The following CHST9 variants were observed in gnomAD, a reference collection of about 807,000 sequenced individuals.
CHST9 encodes the protein carbohydrate sulfotransferase 9.
CHST9 carries 41 observed loss-of-function variants against 44.4 expected under a neutral mutation model. The observed-to-expected ratio is 0.92, with a 90% CI of 0.72 to 1.20. The LOEUF is 1.20. Ranked by LOEUF, CHST9 falls within the 50% of genes most tolerant of loss-of-function variation. CHST9 has a pLI of 0.00. For missense variants in CHST9, 504 were observed against 516.5 expected, an observed-to-expected ratio of 0.98 and a Z score of 0.23; for synonymous variants, 171 against 178.4, an observed-to-expected ratio of 0.96 and a Z score of 0.33.
rs1235166696 is a variant in CHST9 at position 26,923,968 on chromosome 18, G to A, written c.241-6618C>T. On this transcript the variant is annotated intron_variant, in intron 5 of 5. Coordinates refer to ENST00000618847, the MANE Select transcript of CHST9 (RefSeq NM_031422.6). Reference sequence around the variant, plus strand: ...CATCCTGACATCGAGTCTGCTTGGGGGCCAGACTCAGATGACAGGGAGAGG... The same window carrying A: ...CATCCTGACATCGAGTCTGCTTGGGAGCCAGACTCAGATGACAGGGAGAGG... Among the ~76,000 whole-genome samples the A allele has an allele frequency of 2.6e-5, 4 of 152,140 alleles. No homozygotes were observed. In the East Asian group the frequency reaches 7.7e-4, roughly 29 times the overall value.
At chr18:27,166,609 G>A (rs1407290144) in intron 1 of CHST9, among the ~76,000 whole-genome samples, 4 of 152,162 alleles carry the variant, frequency 2.6e-5, no homozygotes, top group Non-Finnish European at 5.9e-5. Context: ...AAAGACTCTT[G>A]GGTAGATGAT....
At chr18:26,962,018 G>A (rs1364594298) in intron 4 of CHST9, among the ~76,000 whole-genome samples, 1 of 152,166 alleles carries the variant, frequency 6.6e-6, no homozygotes, top group Non-Finnish European at 1.5e-5. Flanking sequence ...GATTCGGAGT[G>A]AGAGTTGCCA....
intron 4 of CHST9, among the ~76,000 whole-genome samples, chr18:26,980,222 TTG>T (rs2056675252): frequency 6.6e-6 from 1 of 152,160 alleles, no homozygotes; most frequent in South Asian, 2.1e-4. Flanking sequence ...ATATATTTAC[TTG>T]TCTTTCTTCC....
intron 2 of CHST9, among the ~76,000 whole-genome samples, chr18:27,112,610 T>TGTGG (rs2058282270): frequency 1.4e-5 from 2 of 146,052 alleles, no homozygotes. Flanking sequence ...TGTGTGTGTG[T>TGTGG]GTGTGTAGGA....
intron 2 of CHST9, among the ~76,000 whole-genome samples, chr18:27,103,980 A>C (rs2058197679): frequency 6.6e-6 from 1 of 152,194 alleles, no homozygotes; most frequent in Admixed American, 6.5e-5. Flanking sequence ...GTGAGAATTC[A>C]ACTTATTTTA....
chr18:26,938,103 C>A (rs2056025707), intron 5 of CHST9, among the ~76,000 whole-genome samples: 2 of 151,926 alleles, frequency 1.3e-5, no homozygotes, highest in African/African-American at 4.8e-5. Flanking sequence ...TCTTGGTGGT[C>A]ATGCTTTTAA....
intron 4 of CHST9, among the ~76,000 whole-genome samples, chr18:27,001,782 T>C (rs1470890546): frequency 3.3e-5 from 5 of 152,154 alleles, no homozygotes; most frequent in Non-Finnish European, 5.9e-5. Flanking sequence ...GACAGAAGTT[T>C]GGACTGGGTA....
chr18:26,998,234 C>T (rs1182028090), intron 4 of CHST9, among the ~76,000 whole-genome samples: 2 of 152,212 alleles, frequency 1.3e-5, no homozygotes, highest in Non-Finnish European at 2.9e-5. Flanking sequence ...ACCTATATCG[C>T]TGGATCTCAC....
chr18:27,161,905 GT>G (rs2058750248), intron 1 of CHST9, among the ~76,000 whole-genome samples: 1 of 151,714 alleles, frequency 6.6e-6, no homozygotes, highest in Non-Finnish European at 1.5e-5. Flanking sequence ...TTTAAAGTCT[GT>G]TTTATCAGAG....
intron 1 of CHST9, among the ~76,000 whole-genome samples, chr18:27,149,499 A>T (rs901349733): frequency 6.6e-6 from 1 of 152,188 alleles, no homozygotes; most frequent in African/African-American, 2.4e-5. Context: ...TGTTGCAATG[A>T]ACAAACATGT....
intron 4 of CHST9, among the ~76,000 whole-genome samples, chr18:26,969,370 CTCTCTCTG>C (rs1196060471): frequency 4.9e-5 from 6 of 121,910 alleles, no homozygotes; most frequent in African/African-American, 9.4e-5. Context: ...TTCTCTCTCT[CTCTCTCTG>C]TGTGTGTGTG....
chr18:27,030,516 A>T (rs2057329069), intron 3 of CHST9, among the ~76,000 whole-genome samples: 1 of 152,238 alleles, frequency 6.6e-6, no homozygotes, highest in African/African-American at 2.4e-5. Flanking sequence ...AAAGACGGCG[A>T]GATGCAAGAT....
chr18:27,077,445 G>A (rs1238987314), intron 2 of CHST9, among the ~76,000 whole-genome samples: 1 of 152,072 alleles, frequency 6.6e-6, no homozygotes, highest in Non-Finnish European at 1.5e-5. Context: ...TGGTGAGAAA[G>A]AAAAATACCC....
intron 3 of CHST9, among the ~76,000 whole-genome samples, chr18:27,039,331 C>G (rs1406284961): frequency 6.6e-6 from 1 of 152,102 alleles, no homozygotes; most frequent in Non-Finnish European, 1.5e-5. Flanking sequence ...TTGAATCAGT[C>G]TTAAAAAGGA....
intron 1 of CHST9, among the ~76,000 whole-genome samples, chr18:27,150,817 C>G (rs77317218): frequency 6.6e-6 from 1 of 152,196 alleles, no homozygotes; most frequent in African/African-American, 2.4e-5. Context: ...TTAAGTAAAA[C>G]AGAATGTGAT....
chr18:27,177,276 A>G (rs964884658), intron 1 of CHST9, among the ~76,000 whole-genome samples: 2 of 152,002 alleles, frequency 1.3e-5, no homozygotes, highest in African/African-American at 4.8e-5. Context: ...AATCCTGTAA[A>G]AAACTAAATT....
intron 2 of CHST9, among the ~76,000 whole-genome samples, chr18:27,125,885 T>C (rs1403197203): frequency 6.6e-6 from 1 of 152,158 alleles, no homozygotes; most frequent in Non-Finnish European, 1.5e-5. Context: ...AGTTTCAATA[T>C]TCTCCAAAAC....
chr18:27,043,683 C>T (rs1207461778), intron 3 of CHST9, among the ~76,000 whole-genome samples: 5 of 151,968 alleles, frequency 3.3e-5, no homozygotes, highest in African/African-American at 7.2e-5. Context: ...CCTTGCCTCC[C>T]GTCAATTTCT....
intron 1 of CHST9, among the ~76,000 whole-genome samples, chr18:27,182,306 G>A (rs1428540902): frequency 7.3e-6 from 1 of 136,182 alleles, no homozygotes; most frequent in Non-Finnish European, 1.6e-5. Context: ...CTGTAGTTTG[G>A]GTTTATTCTG....
Sources: allele counts gnomAD v4.1 joint callset (sites outside exome capture counted in the v4.1 genomes callset), GRCh38; gene constraint gnomAD v4.1.1; transcripts MANE v1.5; gene names NCBI Gene and HGNC (gene_info 2026-07-23, HGNC 2026-07-21).